DOK6: variants seen among roughly 807,000 people sequenced by gnomAD.
DOK6 encodes the protein docking protein 6.
Under a neutral mutation model 44.0 loss-of-function variants are expected in DOK6, and 22 were observed. The ratio of observed to expected loss-of-function variants is 0.50; its 90% CI spans 0.36 to 0.71. The LOEUF (loss-of-function observed/expected upper bound fraction) is 0.71. Among genes scored for constraint, DOK6 ranks in the 30% least tolerant of loss-of-function variants. The pLI is 0.00. For synonymous variants in DOK6, 166 were observed against 145.5 expected, an observed-to-expected ratio of 1.14 and a Z score of -1.01; for missense variants, 340 against 416.4, an observed-to-expected ratio of 0.82 and a Z score of 1.60.
At chr18:69,698,037 G>T (rs184158023) in intron 4 of DOK6, among the ~76,000 whole-genome samples, 1 of 152,182 alleles carries the variant, frequency 6.6e-6, no homozygotes, top group African/African-American at 2.4e-5. Flanking sequence ...CGCTGGAATC[G>T]TATCTGTGAT....
intron 1 of DOK6, among the ~76,000 whole-genome samples, chr18:69,554,101 T>C (rs1982631395): frequency 6.6e-6 from 1 of 152,192 alleles, no homozygotes; most frequent in Non-Finnish European, 1.5e-5. Flanking sequence ...ACATGTGATA[T>C]TTTTAAACTT....
chr18:69,546,331 T>A lies in DOK6; in HGVS notation c.67-18156T>A, dbSNP rs112111198. On this transcript the variant is annotated intron_variant, in intron 1 of 7. Transcript: ENST00000382713. ...TGAGAAAAATAGATATACATACATA[T>A]ACCTGTATGCATAAATATAAATGGC... Among the ~76,000 whole-genome samples, 128 of 151,174 alleles carry A rather than the reference T, an allele frequency of 8.5e-4. 2 individuals carry two copies. The highest frequency in any genetic ancestry group is 3.4e-3 in the Middle Eastern group (1 of 294).
chr18:69,745,796 G>A (rs1978965341), intron 6 of DOK6, among the ~76,000 whole-genome samples: 1 of 152,186 alleles, frequency 6.6e-6, no homozygotes, highest in African/African-American at 2.4e-5. Flanking sequence ...TTTAGTAAAA[G>A]CTCAGTAATT....
intron 1 of DOK6, among the ~76,000 whole-genome samples, chr18:69,445,035 TA>T (rs1475191368): frequency 1.3e-5 from 2 of 152,208 alleles, no homozygotes; most frequent in African/African-American, 4.8e-5. Flanking sequence ...ACTTTCAGTA[TA>T]CAAGTCTTGC....
At chr18:69,766,230 T>C (rs1464162493) in intron 7 of DOK6, among the ~76,000 whole-genome samples, 1 of 152,126 alleles carries the variant, frequency 6.6e-6, no homozygotes, top group Non-Finnish European at 1.5e-5. Context: ...TGGACATAAG[T>C]ATGGCCATAG....
chr18:69,401,153 TG>T lies in DOK6; in HGVS notation c.-90del. The T allele has an allele frequency of 7.7e-7, 1 of 1,297,268 alleles. No homozygotes were observed. Among genetic ancestry groups the T allele is most frequent in the Non-Finnish European group, 1.0e-6 (1 of 1,001,382 alleles). The allele number at this position is 1,297,268 out of a possible 1,614,324, so 80.4% of individuals were successfully genotyped here. ...GGCGCTGCTGCTGGCGGCGGCCGGC[TG>T]GATGCGAGACCCGCGCAGACCCGGC... On this transcript the variant is annotated 5_prime_UTR_variant, in exon 1 of 8. Coordinates refer to ENST00000382713, the MANE Select transcript of DOK6 (RefSeq NM_152721.6).
At chr18:69,795,398 G>A (rs184628757) in intron 7 of DOK6, among the ~76,000 whole-genome samples, 12 of 152,198 alleles carry the variant, frequency 7.9e-5, no homozygotes, top group Admixed American at 3.9e-4. Context: ...CTTTAAAAAC[G>A]TGATGAAGGA....
chr18:69,715,835 C>T (rs760695549), intron 5 of DOK6, among the ~76,000 whole-genome samples: 8 of 152,154 alleles, frequency 5.3e-5, no homozygotes, highest in Non-Finnish European at 1.0e-4. Flanking sequence ...TACTGGTTCA[C>T]TTAGCGATTT....
At position 69,743,397 on chromosome 18, in the gene DOK6, CTG is replaced by C. The variant is rs201617194; in HGVS notation, c.738+4297_738+4298del. Among the ~76,000 whole-genome samples, 402 of 152,256 alleles carry C rather than the reference CTG, an allele frequency of 2.6e-3. 1 individual carries two copies. Among genetic ancestry groups the C allele is most frequent in the African/African-American group, 9.2e-3 (381 of 41,526 alleles). ...AACATTATCAAAAAAAGTTTTGACA[CTG>C]TGATAGAAGCCACTCATCAGAAACT... On this transcript the variant is annotated intron_variant, in intron 6 of 7. Coordinates refer to ENST00000382713, the MANE Select transcript of DOK6 (RefSeq NM_152721.6).
intron 1 of DOK6, among the ~76,000 whole-genome samples, chr18:69,534,739 C>A (rs552348569): frequency 1.3e-5 from 2 of 151,974 alleles, no homozygotes; most frequent in Non-Finnish European, 2.9e-5. Context: ...ATCGTTGCAT[C>A]AAAACAACAT....
chr18:69,419,682 A>G (rs530695024), intron 1 of DOK6, among the ~76,000 whole-genome samples: 12 of 152,268 alleles, frequency 7.9e-5, no homozygotes, highest in Admixed American at 3.9e-4. Context: ...ATATGCTAAT[A>G]AGAAATAACC....
chr18:69,821,788 GTT>G (rs5825972), intron 7 of DOK6, among the ~76,000 whole-genome samples: 32 of 133,676 alleles, frequency 2.4e-4, no homozygotes, highest in African/African-American at 8.5e-4. Flanking sequence ...GCATGCTATT[GTT>G]TTTTTTTTTA....
At chr18:69,719,296 G>A (rs1239895285) in intron 5 of DOK6, among the ~76,000 whole-genome samples, 1 of 152,222 alleles carries the variant, frequency 6.6e-6, no homozygotes, top group Non-Finnish European at 1.5e-5. Context: ...TTCATGCACT[G>A]AGTCAGTTTC....
intron 7 of DOK6, among the ~76,000 whole-genome samples, chr18:69,828,001 A>C (rs1264772402): frequency 6.6e-6 from 1 of 151,908 alleles, no homozygotes; most frequent in African/African-American, 2.4e-5. Context: ...GTGTTTCAGT[A>C]AATTTCTTTA....
chr18:69,671,143 T>C (rs1985789483), intron 3 of DOK6, among the ~76,000 whole-genome samples: 1 of 152,188 alleles, frequency 6.6e-6, no homozygotes, highest in Admixed American at 6.5e-5. Context: ...CAATGAATTA[T>C]TGTCAGGCAA....
chr18:69,694,200 C>G (rs1479431242), intron 4 of DOK6, among the ~76,000 whole-genome samples: 1 of 151,726 alleles, frequency 6.6e-6, no homozygotes, highest in Non-Finnish European at 1.5e-5. Context: ...TGCCCCTTTT[C>G]CCTGAGTACA....
intron 3 of DOK6, among the ~76,000 whole-genome samples, chr18:69,612,468 T>A (rs1984180565): frequency 6.7e-6 from 1 of 149,726 alleles, no homozygotes; most frequent in African/African-American, 2.5e-5. Context: ...CGTGCATATG[T>A]ATTTCTTGCT....
chr18:69,561,070 T>C (rs777924102), intron 1 of DOK6, among the ~76,000 whole-genome samples: 7 of 152,156 alleles, frequency 4.6e-5, no homozygotes, highest in Non-Finnish European at 8.8e-5. Context: ...GTGCAGAAAA[T>C]TGTACCTACT....
intron 7 of DOK6, among the ~76,000 whole-genome samples, chr18:69,798,219 A>C (rs980196970): frequency 6.6e-6 from 1 of 152,120 alleles, no homozygotes; most frequent in Non-Finnish European, 1.5e-5. Context: ...CTTAGGTGGT[A>C]AAACAATGGA....
Sources: gnomAD v4.1 joint callset for allele counts (sites outside exome capture counted in the v4.1 genomes callset) on GRCh38, gnomAD v4.1.1 for gene constraint, MANE v1.5 for transcripts, NCBI Gene and HGNC (gene_info 2026-07-23, HGNC 2026-07-21) for gene names.